The following CERT1 variants were observed in gnomAD, a reference collection of about 807,000 sequenced individuals.
The protein encoded by CERT1 is ceramide transporter 1.
Under a neutral mutation model 87.9 loss-of-function variants are expected in CERT1, and 31 were observed. That is an observed-to-expected ratio of 0.35 (90% CI 0.27 to 0.48). CERT1 has a LOEUF of 0.48. CERT1 is among the 20% of genes least tolerant of loss of function. CERT1 has a pLI of 0.99. For synonymous variants in CERT1, 289 were observed against 250.9 expected, an observed-to-expected ratio of 1.15 and a Z score of -1.44; for missense variants, 487 against 758.0, an observed-to-expected ratio of 0.64 and a Z score of 4.20.
intron 3 of CERT1, among the ~76,000 whole-genome samples, chr5:75,453,681 AT>A (rs1383548487): frequency 6.6e-6 from 1 of 152,220 alleles, no homozygotes; most frequent in African/African-American, 2.4e-5. Context: ...GAGGAAAAAA[AT>A]GAGATAATAT....
At chr5:75,498,806 A>G (rs1767200618) in intron 2 of CERT1, among the ~76,000 whole-genome samples, 1 of 152,208 alleles carries the variant, frequency 6.6e-6, no homozygotes, top group South Asian at 2.1e-4. Flanking sequence ...GGCAGTACCT[A>G]GTAGAGCTGT....
At chr5:75,438,521 A>G (rs1764186451) in intron 3 of CERT1, among the ~76,000 whole-genome samples, 1 of 152,180 alleles carries the variant, frequency 6.6e-6, no homozygotes, top group Non-Finnish European at 1.5e-5. Flanking sequence ...TTTTGGGGAC[A>G]GTACTTTAAA....
chr5:75,381,816 T>C, intron 15 of CERT1, 133 bp downstream of exon 15: 1 of 831,962 alleles, frequency 1.2e-6, no homozygotes. Context: ...TTCCTAGCAG[T>C]CAATCCAACA....
At chr5:75,414,334 G>A (rs1327808318) in intron 7 of CERT1, among the ~76,000 whole-genome samples, 2 of 152,090 alleles carry the variant, frequency 1.3e-5, no homozygotes, top group African/African-American at 2.4e-5. Context: ...GTTAAGGGGT[G>A]TATACAAACG....
In CERT1 at chr5:75,378,860, G is replaced by T. The variant is rs1390030039; in HGVS notation, c.*486C>A. On this transcript the variant is annotated 3_prime_UTR_variant, in exon 17 of 17. Transcript: ENST00000643780. ...TTAGAAGAAAAAGGAAACAATAAAA[G>T]AATTAAGTTTTAAAGGCTATAAACT... 1.3e-5 allele frequency: 2 copies of T among 152,156 alleles called. No homozygotes were observed. Among genetic ancestry groups the T allele is most frequent in the Non-Finnish European group, 2.9e-5 (2 of 68,068 alleles). The allele number at this position is 152,156 out of a possible 1,614,324, so 9.4% of individuals were successfully genotyped here.
chr5:75,466,990 C>T (rs1765484384), intron 2 of CERT1, among the ~76,000 whole-genome samples: 1 of 152,174 alleles, frequency 6.6e-6, no homozygotes, highest in Non-Finnish European at 1.5e-5. Flanking sequence ...ATTCAGAAAA[C>T]TAATGTCCAC....
chr5:75,425,529 T>C, intron 4 of CERT1, 30 bp from the exon 5 acceptor site: 4 of 1,607,864 alleles, frequency 2.5e-6, no homozygotes, highest in Non-Finnish European at 3.4e-6. Flanking sequence ...GGGATGTAAT[T>C]CAAGTAAAAC....
chr5:75,459,141 T>C lies in CERT1; in HGVS notation c.272A>G (p.Asn91Ser). Reference sequence around the variant, plus strand: ...AGCACGAAGATACCAAACACTATCATTTACACTAATATCAAATCGACATTC... The same window carrying C: ...AGCACGAAGATACCAAACACTATCACTTACACTAATATCAAATCGACATTC... ...FDECRFDISV[N>S]DSVWYLRAQD... The change falls in exon 3 of 17, where the codon AAT becomes AGT. Residue 91 changes from asparagine (N) to serine (S), a missense_variant. By Grantham distance (46) the Asn-to-Ser change is conservative. This residue lies in a region of CERT1 where 173 missense variants were observed against 302.2 expected (regional missense o/e 0.57). Coordinates refer to ENST00000643780, the MANE Select transcript of CERT1 (RefSeq NM_001379029.1). 6.2e-7 allele frequency: 1 copy of C among 1,612,556 alleles called. No individual in the cohort carries two copies. Among genetic ancestry groups the C allele is most frequent in the African/African-American group, 1.3e-5 (1 of 74,996 alleles).
chr5:75,458,778 G>GA (rs888211324), intron 3 of CERT1, among the ~76,000 whole-genome samples: 2 of 152,138 alleles, frequency 1.3e-5, no homozygotes, highest in African/African-American at 4.8e-5. Context: ...TATTGCTCCT[G>GA]ACCTCAGCTG....
At chr5:75,382,206 T>C in intron 14 of CERT1, 129 bp from the exon 15 acceptor site, 1 of 747,298 alleles carries the variant, frequency 1.3e-6, no homozygotes, top group South Asian at 2.0e-5. Flanking sequence ...TCTGAGGATA[T>C]CTACCAAATG....
At chr5:75,440,391 C>T (rs758411039) in intron 3 of CERT1, among the ~76,000 whole-genome samples, 10 of 152,058 alleles carry the variant, frequency 6.6e-5, no homozygotes, top group South Asian at 2.1e-4. Flanking sequence ...TCTCAAATCA[C>T]GCTGAAAATC....
chr5:75,473,952 C>T (rs1487511566), intron 2 of CERT1, among the ~76,000 whole-genome samples: 1 of 152,080 alleles, frequency 6.6e-6, no homozygotes, highest in African/African-American at 2.4e-5. Flanking sequence ...AAGAGAAAGA[C>T]CCTCTCATAT....
chr5:75,491,034 T>C (rs547867804), intron 2 of CERT1, among the ~76,000 whole-genome samples: 48 of 152,288 alleles, frequency 3.2e-4, no homozygotes, highest in African/African-American at 1.2e-3. Flanking sequence ...TAGTTTTCTT[T>C]TGCTTCTTAA....
intron 8 of CERT1, among the ~76,000 whole-genome samples, chr5:75,407,480 A>T (rs1165368074): frequency 2.6e-5 from 4 of 151,872 alleles, no homozygotes; most frequent in Non-Finnish European, 4.4e-5. Context: ...ATTAAAAAAA[A>T]AAAAAGGCAA....
chr5:75,374,314 C>T, downstream of CERT1: 1 of 482,102 alleles, frequency 2.1e-6, no homozygotes, highest in Non-Finnish European at 3.6e-6. Context: ...TGCATGGAAT[C>T]TCTATTAAAA....
intron 2 of CERT1, among the ~76,000 whole-genome samples, chr5:75,479,625 T>A (rs1021821081): frequency 6.6e-6 from 1 of 152,204 alleles, no homozygotes; most frequent in African/African-American, 2.4e-5. Flanking sequence ...GATCTCACTC[T>A]TTTTTATGTC....
At chr5:75,432,773 A>G (rs1195704430) in intron 3 of CERT1, among the ~76,000 whole-genome samples, 1 of 152,230 alleles carries the variant, frequency 6.6e-6, no homozygotes, top group Non-Finnish European at 1.5e-5. Flanking sequence ...ATCTTCACCA[A>G]GGCCTATGCC....
At chr5:75,393,834 G>T (rs574045547) in intron 11 of CERT1, among the ~76,000 whole-genome samples, 1 of 151,164 alleles carries the variant, frequency 6.6e-6, no homozygotes, top group South Asian at 2.1e-4. Flanking sequence ...GCGTGGTGGT[G>T]CATGCCTGTA....
intron 3 of CERT1, among the ~76,000 whole-genome samples, chr5:75,454,132 A>C (rs1433798910): frequency 6.6e-6 from 1 of 152,164 alleles, no homozygotes; most frequent in Non-Finnish European, 1.5e-5. Context: ...GCAAAGTATA[A>C]TACTATTGTT....
Sources: gnomAD v4.1 joint callset for allele counts (sites outside exome capture counted in the v4.1 genomes callset) on GRCh38, gnomAD v4.1.1 for gene constraint, gnomAD v4.1.1 regional missense constraint, MANE v1.5 for transcripts, NCBI Gene and HGNC (gene_info 2026-07-23, HGNC 2026-07-21) for gene names.